The following BACH2 variants were observed in gnomAD, a reference collection of about 807,000 sequenced individuals.
BACH2 encodes the protein BACH transcriptional regulator 2.
In BACH2, 5 loss-of-function variants were observed where a neutral mutation model predicts 61.8. The ratio of observed to expected loss-of-function variants is 0.08; its 90% CI spans 0.04 to 0.17. The LOEUF is 0.17. Among genes scored for constraint, BACH2 ranks in the 10% least tolerant of loss-of-function variants. The pLI, the probability that BACH2 is intolerant of heterozygous loss-of-function variation, is 1.00. For missense variants in BACH2, 824 were observed against 1,091.1 expected (o/e 0.76, Z 3.45); for synonymous variants, 446 against 440.1 (o/e 1.01, Z -0.17).
At chr6:90,063,958 C>A (rs1365217356) in intron 5 of BACH2, among the ~76,000 whole-genome samples, 1 of 151,828 alleles carries the variant, frequency 6.6e-6, no homozygotes, top group Non-Finnish European at 1.5e-5. Context: ...TATATTTAAA[C>A]CAATGGCCTC....
chr6:89,995,918 A>G, intron 6 of BACH2, among the ~76,000 whole-genome samples: 1 of 152,244 alleles, frequency 6.6e-6, no homozygotes, highest in East Asian at 1.9e-4. Flanking sequence ...ATATGTTCCA[A>G]ATAAATGAAG....
In BACH2 at chr6:89,929,067, G is replaced by A. The variant is rs1299949627; in HGVS notation, c.*3341C>T. 1.3e-5 allele frequency: 2 copies of A among 150,936 alleles called. No individual in the cohort carries two copies. Among genetic ancestry groups the A allele is most frequent in the East Asian group, 3.9e-4 (2 of 5,120 alleles). 9.3% of individuals were successfully genotyped at this position (150,936 alleles called of 1,614,324 possible). On this transcript the variant is annotated 3_prime_UTR_variant, in exon 9 of 9. Coordinates refer to ENST00000257749, the MANE Select transcript of BACH2 (RefSeq NM_021813.4). Reference sequence around the variant, plus strand: ...CAAAGGCAGATCCAAGGGGAGGACTGGATTTAGGTGGGATGTTCATTAGTC... The same window carrying A: ...CAAAGGCAGATCCAAGGGGAGGACTAGATTTAGGTGGGATGTTCATTAGTC...
At chr6:90,015,567 G>T (rs1778015990) in intron 5 of BACH2, among the ~76,000 whole-genome samples, 1 of 152,108 alleles carries the variant, frequency 6.6e-6, no homozygotes, top group African/African-American at 2.4e-5. Context: ...CCAAATATTT[G>T]GGGGAGTTTT....
chr6:89,959,066 G>C (rs186510376), intron 6 of BACH2, among the ~76,000 whole-genome samples: 1 of 149,150 alleles, frequency 6.7e-6, no homozygotes, highest in East Asian at 2.0e-4. Flanking sequence ...TCATGAAGCT[G>C]GCCCTGTCAA....
rs543519302 is a variant in BACH2 at position 90,006,041 on chromosome 6, G to A, written c.243+2561C>T. ...TTTAAAATGCCTTTTCCAATGCCAT[G>A]GAAATAAGCAATTATCAGGGATTTG... On this transcript the variant is annotated intron_variant, in intron 6 of 8. Transcript: ENST00000257749. Among the ~76,000 whole-genome samples, 17 of 152,214 alleles carry A rather than the reference G, an allele frequency of 1.1e-4. No individual in the cohort carries two copies. The South Asian group carries it at 2.9e-3, about 26-fold the overall frequency.
chr6:90,190,697 G>A (rs1053064863), intron 4 of BACH2, among the ~76,000 whole-genome samples: 5 of 152,220 alleles, frequency 3.3e-5, no homozygotes, highest in Non-Finnish European at 7.3e-5. Context: ...GCCCCTTGGC[G>A]AATCTGATGG....
intron 1 of BACH2, among the ~76,000 whole-genome samples, chr6:90,292,210 G>A (rs897568195): frequency 1.3e-5 from 2 of 152,168 alleles, no homozygotes; most frequent in African/African-American, 2.4e-5. Flanking sequence ...ATTCCAACAT[G>A]AGATTAGTTC....
intron 7 of BACH2, among the ~76,000 whole-genome samples, chr6:89,940,706 T>C (rs1773372074): frequency 6.6e-6 from 1 of 152,152 alleles, no homozygotes; most frequent in Admixed American, 6.5e-5. Context: ...CGAGCTACAT[T>C]TGTGATTTTA....
intron 3 of BACH2, among the ~76,000 whole-genome samples, chr6:90,210,661 A>AT (rs982135322): frequency 1.3e-5 from 2 of 152,186 alleles, no homozygotes; most frequent in African/African-American, 2.4e-5. Context: ...TTATTATTCA[A>AT]TGTTTCTTTT....
chr6:90,139,880 A>G (rs529965889), intron 4 of BACH2, among the ~76,000 whole-genome samples: 2 of 152,334 alleles, frequency 1.3e-5, no homozygotes, highest in South Asian at 4.1e-4. Context: ...CAGACGGTTA[A>G]GCCAGACTCC....
intron 4 of BACH2, among the ~76,000 whole-genome samples, chr6:90,198,698 T>A (rs1768850501): frequency 6.6e-6 from 1 of 152,178 alleles, no homozygotes; most frequent in Non-Finnish European, 1.5e-5. Context: ...GAGCTCACTT[T>A]GAGGTGCTCC....
chr6:89,998,836 A>C (rs932236622), intron 6 of BACH2, among the ~76,000 whole-genome samples: 7 of 152,186 alleles, frequency 4.6e-5, no homozygotes, highest in African/African-American at 1.7e-4. Flanking sequence ...GGCCTCTTTC[A>C]AAAGCTGTCT....
chr6:89,987,509 T>A (rs187762998), intron 6 of BACH2, among the ~76,000 whole-genome samples: 1 of 152,062 alleles, frequency 6.6e-6, no homozygotes, highest in African/African-American at 2.4e-5. Flanking sequence ...CCTATAAGAG[T>A]TGCCTTCAGA....
At chr6:90,102,221 C>G (rs1284818244) in intron 4 of BACH2, among the ~76,000 whole-genome samples, 1 of 152,034 alleles carries the variant, frequency 6.6e-6, no homozygotes, top group Non-Finnish European at 1.5e-5. Flanking sequence ...GGGTTATGGT[C>G]TTGGTGGCAT....
At chr6:90,052,358 T>C (rs1401193481) in intron 5 of BACH2, among the ~76,000 whole-genome samples, 2 of 151,948 alleles carry the variant, frequency 1.3e-5, no homozygotes, top group African/African-American at 4.9e-5. Flanking sequence ...ATTAAAACCT[T>C]ATCAATAGGT....
At chr6:90,160,494 G>C (rs1785154631) in intron 4 of BACH2, among the ~76,000 whole-genome samples, 1 of 152,214 alleles carries the variant, frequency 6.6e-6, no homozygotes, top group Non-Finnish European at 1.5e-5. Context: ...CTTTTAAAAT[G>C]AGGATCTAAG....
At chr6:90,272,723 G>A (rs1426248321) in intron 1 of BACH2, among the ~76,000 whole-genome samples, 2 of 152,048 alleles carry the variant, frequency 1.3e-5, no homozygotes, top group Non-Finnish European at 2.9e-5. Context: ...CTCTTGATTT[G>A]TTACATCTCA....
intron 3 of BACH2, among the ~76,000 whole-genome samples, chr6:90,228,052 T>G (rs1769973615): frequency 6.6e-6 from 1 of 152,248 alleles, no homozygotes; most frequent in African/African-American, 2.4e-5. Context: ...TTTAAAAATC[T>G]ATTTAAGACT....
rs1311775901 is a variant in BACH2 at position 90,180,210 on chromosome 6, A to T, written c.-162+26359T>A. 2.0e-5 allele frequency among the ~76,000 whole-genome samples: 3 copies of T among 152,182 alleles called. No individual in the cohort carries two copies. The South Asian group carries it at 6.2e-4, about 31-fold the overall frequency. ...TTAAAATATTGATGTTACTTATTAA[A>T]ATCAATATAAAAACTATTATGCACA... On this transcript the variant is annotated intron_variant, in intron 4 of 8. Coordinates refer to ENST00000257749, the MANE Select transcript of BACH2 (RefSeq NM_021813.4).
Sources: gnomAD v4.1 joint callset for allele counts (sites outside exome capture counted in the v4.1 genomes callset) on GRCh38, gnomAD v4.1.1 for gene constraint, MANE v1.5 for transcripts, NCBI Gene and HGNC (gene_info 2026-07-23, HGNC 2026-07-21) for gene names.